COBL: variants seen among roughly 807,000 people sequenced by gnomAD.
The protein encoded by COBL is protein cordon-bleu.
COBL carries 51 observed loss-of-function variants against 98.8 expected under a neutral mutation model. The ratio of observed to expected loss-of-function variants is 0.52; its 90% CI spans 0.41 to 0.65. The LOEUF (loss-of-function observed/expected upper bound fraction) is 0.65. Ranked by LOEUF, COBL falls within the 30% of genes least tolerant of loss-of-function variation. The pLI is 0.00. For missense variants in COBL, 1,617 were observed against 1,617.5 expected, an observed-to-expected ratio of 1.00 and a Z score of 0.01; for synonymous variants, 634 against 651.7, an observed-to-expected ratio of 0.97 and a Z score of 0.41.
chr7:51,205,102 G>T (rs1369270365), intron 2 of COBL, among the ~76,000 whole-genome samples: 1 of 152,114 alleles, frequency 6.6e-6, no homozygotes, highest in African/African-American at 2.4e-5. Flanking sequence ...AAGATCTACA[G>T]ATTCAATGCA....
Position 51,219,932 on chromosome 7 carries a change from C to T in COBL, c.54G>A (p.Lys18=), listed in dbSNP as rs751498664. The T allele has an allele frequency of 1.9e-6, 3 of 1,610,380 alleles. No homozygotes were observed. Among genetic ancestry groups the T allele is most frequent in the Non-Finnish European group, 2.5e-6 (3 of 1,179,400 alleles). ...TTCCAGGAGGTGGGGGAGCACGAGC[C>T]TTCATCTTCCTCCTTAAAAACAACA... The part of the protein sequence containing the change: ...AAKPPTGRKM[K]ARAPPPPGKA... The change falls in exon 2 of 13, where the codon AAG becomes AAA. Residue 18 remains lysine, a synonymous_variant. Coordinates refer to ENST00000265136, the MANE Select transcript of COBL (RefSeq NM_015198.5).
At chr7:51,312,192 T>C (rs1281202555) in intron 1 of COBL, among the ~76,000 whole-genome samples, 2 of 150,696 alleles carry the variant, frequency 1.3e-5, no homozygotes, top group East Asian at 1.9e-4. Context: ...TAGCTGGGTG[T>C]GGTGGTGCAC....
At chr7:51,244,450 T>C (rs1008698233) in intron 1 of COBL, among the ~76,000 whole-genome samples, 11 of 152,156 alleles carry the variant, frequency 7.2e-5, no homozygotes, top group Admixed American at 7.2e-4. Context: ...GCCACTCACA[T>C]GTCCAAAACC....
At chr7:51,098,920 A>G in intron 6 of COBL, among the ~76,000 whole-genome samples, 1 of 152,174 alleles carries the variant, frequency 6.6e-6, no homozygotes, top group African/African-American at 2.4e-5. Context: ...GACAATAAGC[A>G]AACAATCTGA....
chr7:51,296,578 T>G (rs1354866414), intron 1 of COBL, among the ~76,000 whole-genome samples: 2 of 152,158 alleles, frequency 1.3e-5, no homozygotes, highest in South Asian at 2.1e-4. Flanking sequence ...ATAACTTTTT[T>G]GGGGGGCAAA....
intron 7 of COBL, among the ~76,000 whole-genome samples, chr7:51,060,598 A>T (rs1341145479): frequency 6.6e-6 from 1 of 152,200 alleles, no homozygotes; most frequent in African/African-American, 2.4e-5. Context: ...GATGTCCAAT[A>T]TATGGTGCTG....
chr7:51,182,904 C>A (rs2129051475), intron 5 of COBL, among the ~76,000 whole-genome samples: 1 of 152,290 alleles, frequency 6.6e-6, no homozygotes, highest in African/African-American at 2.4e-5. Context: ...AGGAAGTCTG[C>A]CAGTTCGGCC....
At chr7:51,155,143 TA>T (rs2129027854) in intron 5 of COBL, among the ~76,000 whole-genome samples, 1 of 152,326 alleles carries the variant, frequency 6.6e-6, no homozygotes, top group East Asian at 1.9e-4. Flanking sequence ...GGTCAGAAGA[TA>T]ACCTCTGGAA....
intron 6 of COBL, among the ~76,000 whole-genome samples, chr7:51,125,678 T>C (rs1222729576): frequency 6.6e-6 from 1 of 152,170 alleles, no homozygotes; most frequent in Non-Finnish European, 1.5e-5. Flanking sequence ...TTAAATAAGA[T>C]ACTATAGGAA....
At chr7:51,066,480 A>C (rs1346319247) in intron 7 of COBL, among the ~76,000 whole-genome samples, 6 of 152,212 alleles carry the variant, frequency 3.9e-5, no homozygotes, top group African/African-American at 1.4e-4. Context: ...GCTTGGGACC[A>C]GACTGGCAAG....
At chr7:51,261,978 G>C (rs914719076) in intron 1 of COBL, among the ~76,000 whole-genome samples, 1 of 152,174 alleles carries the variant, frequency 6.6e-6, no homozygotes, top group African/African-American at 2.4e-5. Context: ...CCTGAGGAAC[G>C]CTAAGCTCCA....
intron 1 of COBL, among the ~76,000 whole-genome samples, chr7:51,237,530 T>C (rs545942001): frequency 5.0e-5 from 6 of 119,126 alleles, no homozygotes; most frequent in South Asian, 2.7e-4. Context: ...TTAACCCTTT[T>C]TTTTTCTTAA....
chr7:51,316,560 C>T, intron 1 of COBL, 33 bp downstream of exon 1: 1 of 1,211,266 alleles, frequency 8.3e-7, no homozygotes, highest in Non-Finnish European at 1.0e-6. Context: ...GGGAAGCCCC[C>T]TCTCCACCCC....
At chr7:51,157,748 C>A (rs1786330394) in intron 5 of COBL, among the ~76,000 whole-genome samples, 1 of 152,106 alleles carries the variant, frequency 6.6e-6, no homozygotes, top group African/African-American at 2.4e-5. Flanking sequence ...GTGACTATAA[C>A]TACTAAGAAT....
At chr7:51,100,414 C>G (rs1795705156) in intron 6 of COBL, among the ~76,000 whole-genome samples, 1 of 152,154 alleles carries the variant, frequency 6.6e-6, no homozygotes, top group Admixed American at 6.5e-5. Flanking sequence ...ACACAATCTA[C>G]CAGGTTGGAA....
At chr7:51,179,097 CTT>C (rs1417466382) in intron 5 of COBL, among the ~76,000 whole-genome samples, 1 of 152,248 alleles carries the variant, frequency 6.6e-6, no homozygotes, top group Non-Finnish European at 1.5e-5. Flanking sequence ...ATTGAACTAA[CTT>C]TTGGAGATTA....
At chr7:51,235,661 G>C (rs939922869) in intron 1 of COBL, among the ~76,000 whole-genome samples, 2 of 152,168 alleles carry the variant, frequency 1.3e-5, no homozygotes, top group African/African-American at 4.8e-5. Context: ...GCTTCCCATT[G>C]GCTGGACAAA....
intron 2 of COBL, among the ~76,000 whole-genome samples, chr7:51,210,010 C>T (rs181621878): frequency 2.0e-5 from 3 of 152,278 alleles, no homozygotes; most frequent in East Asian, 1.9e-4. Flanking sequence ...CACCTGGCCA[C>T]GGCAGAAGCC....
At chr7:51,243,805 C>T (rs890646197) in intron 1 of COBL, among the ~76,000 whole-genome samples, 4 of 151,672 alleles carry the variant, frequency 2.6e-5, no homozygotes, top group African/African-American at 4.8e-5. Context: ...GGTGAAGGAG[C>T]GGTGCCGTGT....
Sources: gnomAD v4.1 joint callset for allele counts (sites outside exome capture counted in the v4.1 genomes callset) on GRCh38, gnomAD v4.1.1 for gene constraint, MANE v1.5 for transcripts, NCBI Gene and HGNC (gene_info 2026-07-23, HGNC 2026-07-21) for gene names.